Variants in PALLD observed in about 807,000 individuals in gnomAD.
The protein encoded by PALLD is palladin, cytoskeletal associated protein, also known as palladin.
Under a neutral mutation model 123.5 loss-of-function variants are expected in PALLD, and 61 were observed. The ratio of observed to expected loss-of-function variants is 0.49; its 90% CI spans 0.40 to 0.61. The LOEUF is 0.61. PALLD is among the 20% of genes least tolerant of loss of function. The pLI is 0.00. For missense variants in PALLD, 1,273 were observed against 1,377.0 expected, an observed-to-expected ratio of 0.92 and a Z score of 1.20; for synonymous variants, 465 against 496.4, an observed-to-expected ratio of 0.94 and a Z score of 0.84.
intron 2 of PALLD, among the ~76,000 whole-genome samples, chr4:168,646,073 C>T (rs2723702): frequency 0.17 from 26,388 of 152,136 alleles, 2,570 homozygotes; most frequent in Non-Finnish European, 0.23. Context: ...CATCACCAGG[C>T]GACAAAGTGG....
At chr4:168,671,158 A>G (rs1283625227) in intron 3 of PALLD, among the ~76,000 whole-genome samples, 1 of 152,186 alleles carries the variant, frequency 6.6e-6, no homozygotes, top group Non-Finnish European at 1.5e-5. Flanking sequence ...TATACTATAA[A>G]ATGAGATATT....
chr4:168,882,527 A>C (rs930142298), intron 10 of PALLD, among the ~76,000 whole-genome samples: 1 of 152,214 alleles, frequency 6.6e-6, no homozygotes, highest in Non-Finnish European at 1.5e-5. Flanking sequence ...CCAGTGAAAA[A>C]GAATCCAACA....
intron 2 of PALLD, among the ~76,000 whole-genome samples, chr4:168,534,856 C>T (rs749845624): frequency 1.3e-5 from 2 of 152,118 alleles, no homozygotes; most frequent in Non-Finnish European, 2.9e-5. Flanking sequence ...TGTCTTTTAT[C>T]GCATTACCCA....
At chr4:168,565,780 A>C (rs563830662) in intron 2 of PALLD, among the ~76,000 whole-genome samples, 1 of 152,322 alleles carries the variant, frequency 6.6e-6, no homozygotes, top group South Asian at 2.1e-4. Flanking sequence ...AGAGCTCATA[A>C]AAAAGAATCT....
At chr4:168,812,497 G>A (rs1423677938) in intron 10 of PALLD, among the ~76,000 whole-genome samples, 1 of 152,202 alleles carries the variant, frequency 6.6e-6, no homozygotes, top group Non-Finnish European at 1.5e-5. Flanking sequence ...GAGTTGGGCA[G>A]AAAGTTTAGC....
At chr4:168,700,831 C>G (rs1296608809) in intron 8 of PALLD, 1 of 151,980 alleles carries the variant, frequency 6.6e-6, no homozygotes, top group African/African-American at 2.4e-5. Context: ...CCACTTCACT[C>G]CAGCCTGGGC....
intron 1 of PALLD, among the ~76,000 whole-genome samples, chr4:168,503,812 G>C (rs28728115): frequency 0.026 from 3,951 of 152,250 alleles, 174 homozygotes; most frequent in African/African-American, 0.09. Flanking sequence ...CAGAGGGTGA[G>C]GCTGGAGCAT....
intron 10 of PALLD, among the ~76,000 whole-genome samples, chr4:168,785,058 C>CTTTTTTTTTTTTT (rs746597278): frequency 2.1e-4 from 18 of 84,792 alleles, no homozygotes; most frequent in East Asian, 5.5e-4. Context: ...CTCCCTTTTG[C>CTTTTTTTTTTTTT]TTTTTTTTTT....
At chr4:168,572,887 T>G (rs1267242300) in intron 2 of PALLD, among the ~76,000 whole-genome samples, 1 of 149,958 alleles carries the variant, frequency 6.7e-6, no homozygotes, top group Admixed American at 6.6e-5. Context: ...GATCCAGACA[T>G]CAGCCTGCCA....
chr4:168,904,029 C>G, intron 15 of PALLD, 123 bp downstream of exon 15: 2 of 940,874 alleles, frequency 2.1e-6, no homozygotes, highest in African/African-American at 3.2e-5. Context: ...ACTATTTTTC[C>G]AAATTCTACA....
chr4:168,865,996 TA>T (rs1560818964), intron 10 of PALLD, among the ~76,000 whole-genome samples: 1 of 151,974 alleles, frequency 6.6e-6, no homozygotes, highest in Non-Finnish European at 1.5e-5. Flanking sequence ...CAAAGCTATT[TA>T]GGCCATGTGT....
At chr4:168,787,958 A>G (rs1397491384) in intron 10 of PALLD, among the ~76,000 whole-genome samples, 1 of 152,264 alleles carries the variant, frequency 6.6e-6, no homozygotes, top group East Asian at 1.9e-4. Flanking sequence ...TTGCAACAGC[A>G]GGAAAAAAGT....
At position 168,921,675 on chromosome 4, in the gene PALLD, A is replaced by G. The variant is rs746066225; in HGVS notation, c.2992A>G (p.Ile998Val). ...IEPVTSRDAGIYTCIATNRAG... is the reference protein window; with the variant it reads ...IEPVTSRDAGVYTCIATNRAG... ...GCCAGTCACGTCACGTGATGCCGGC[A>G]TCTACACATGTATAGCTACCAACCG... The change falls in exon 18 of 22, where the codon ATC (isoleucine) becomes GTC (valine). Residue 998 changes from isoleucine to valine, a missense_variant. This residue lies in a region of PALLD where 329 missense variants were observed against 422.5 expected (regional missense o/e 0.78). Coordinates refer to ENST00000505667, the MANE Select transcript of PALLD (RefSeq NM_001166108.2). 2.0e-5 allele frequency: 32 copies of G among 1,611,530 alleles called. No individual in the cohort carries two copies. The South Asian group carries it at 3.4e-4, about 17-fold the overall frequency.
intron 10 of PALLD, among the ~76,000 whole-genome samples, chr4:168,810,809 C>T (rs1490666406): frequency 2.7e-5 from 3 of 110,188 alleles, no homozygotes; most frequent in Non-Finnish European, 5.9e-5. Context: ...AGCGAGACTC[C>T]GTCTCAAAAA....
At chr4:168,871,490 G>GA (rs751103248) in intron 10 of PALLD, among the ~76,000 whole-genome samples, 45 of 151,838 alleles carry the variant, frequency 3.0e-4, no homozygotes, top group East Asian at 3.9e-4. Context: ...AAAAAAGGTT[G>GA]AAAAACAGAT....
chr4:168,771,018 C>T (rs1213477839), intron 10 of PALLD, among the ~76,000 whole-genome samples: 5 of 149,996 alleles, frequency 3.3e-5, no homozygotes, highest in Non-Finnish European at 7.4e-5. Context: ...AAGATTGCAC[C>T]ACTGCATTCC....
In PALLD at chr4:168,755,029, G is replaced by A. The variant is rs560886789; in HGVS notation, c.1964+43106G>A. On this transcript the variant is annotated intron_variant, in intron 10 of 21. Coordinates refer to ENST00000505667, the MANE Select transcript of PALLD (RefSeq NM_001166108.2). ...GGGCGGATCATGAGGTCAGGAGATC[G>A]AGACCATCCTGGCTAACACGGTGAA... Among the ~76,000 whole-genome samples, 603 of 152,210 alleles carry A rather than the reference G, an allele frequency of 4.0e-3. 3 individuals carry two copies. The highest frequency in any genetic ancestry group is 5.7e-3 in the Non-Finnish European group (385 of 68,012).
At chr4:168,770,157 C>T (rs930665212) in intron 10 of PALLD, among the ~76,000 whole-genome samples, 1 of 152,224 alleles carries the variant, frequency 6.6e-6, no homozygotes, top group Non-Finnish European at 1.5e-5. Context: ...TTCTTTCTAT[C>T]ACTAGCAACA....
At chr4:168,836,961 A>G (rs1745291174) in intron 10 of PALLD, among the ~76,000 whole-genome samples, 2 of 152,230 alleles carry the variant, frequency 1.3e-5, no homozygotes, top group Admixed American at 1.3e-4. Flanking sequence ...CAGAGCTCCA[A>G]CTTGAGTTTT....
Sources: allele counts gnomAD v4.1 joint callset (sites outside exome capture counted in the v4.1 genomes callset), GRCh38; gene constraint gnomAD v4.1.1; regional missense constraint gnomAD v4.1.1; transcripts MANE v1.5; gene names NCBI Gene and HGNC (gene_info 2026-07-23, HGNC 2026-07-21).